The following CHD6 variants were observed in gnomAD, a reference collection of about 807,000 sequenced individuals.
CHD6 encodes the protein ATP-dependent chromatin remodeler CHD6.
In CHD6, 50 loss-of-function variants were observed where a neutral mutation model predicts 276.9. The ratio of observed to expected loss-of-function variants is 0.18; its 90% CI spans 0.14 to 0.23. CHD6 has a LOEUF of 0.23. Ranked by LOEUF, CHD6 falls within the 10% of genes least tolerant of loss-of-function variation. The probability of loss-of-function intolerance (pLI) is 1.00; values close to 1 mark genes in which losing one functional copy is unlikely to be tolerated. For missense variants in CHD6, 2,564 were observed against 3,365.8 expected (o/e 0.76, Z 5.89); for synonymous variants, 1,173 against 1,229.3 (o/e 0.95, Z 0.96).
intron 29 of CHD6, among the ~76,000 whole-genome samples, chr20:41,424,858 G>A (rs992886413): frequency 6.6e-6 from 1 of 152,168 alleles, no homozygotes; most frequent in Non-Finnish European, 1.5e-5. Flanking sequence ...AAAATAATTA[G>A]GGGGTCTGAA....
At chr20:41,573,628 A>C (rs2045441897) in intron 1 of CHD6, among the ~76,000 whole-genome samples, 1 of 152,238 alleles carries the variant, frequency 6.6e-6, no homozygotes, top group African/African-American at 2.4e-5. Flanking sequence ...CTAGTAAGGA[A>C]GGTAACACTA....
intron 5 of CHD6, among the ~76,000 whole-genome samples, chr20:41,508,710 G>A (rs1034872454): frequency 2.6e-5 from 4 of 152,052 alleles, no homozygotes; most frequent in Non-Finnish European, 2.9e-5. Context: ...CTTCTGCACC[G>A]AGTCTCACAT....
At chr20:41,553,817 TC>T (rs1353692500) in intron 1 of CHD6, among the ~76,000 whole-genome samples, 2 of 152,210 alleles carry the variant, frequency 1.3e-5, no homozygotes, top group Non-Finnish European at 1.5e-5. Context: ...TAACAATATG[TC>T]TCAAATAAAA....
At chr20:41,523,689 A>G (rs771692664) in intron 3 of CHD6, among the ~76,000 whole-genome samples, 3 of 151,548 alleles carry the variant, frequency 2.0e-5, no homozygotes, top group Non-Finnish European at 4.4e-5. Context: ...TTTCATTATC[A>G]TATGAAAGCA....
At chr20:41,568,561 T>A (rs188238295) in intron 1 of CHD6, among the ~76,000 whole-genome samples, 1 of 152,236 alleles carries the variant, frequency 6.6e-6, no homozygotes, top group African/African-American at 2.4e-5. Context: ...CAATCTATAA[T>A]TGGAAAACAG....
intron 3 of CHD6, among the ~76,000 whole-genome samples, chr20:41,528,006 C>T (rs1457352630): frequency 6.6e-6 from 1 of 152,196 alleles, no homozygotes; most frequent in African/African-American, 2.4e-5. Flanking sequence ...TACTGTTGGA[C>T]TTCCCAGTCT....
chr20:41,504,415 T>C (rs866269260), intron 5 of CHD6, among the ~76,000 whole-genome samples: 2 of 146,986 alleles, frequency 1.4e-5, no homozygotes, highest in African/African-American at 2.5e-5. Context: ...TTTTTTTTTT[T>C]TTTTTTTTTT....
intron 17 of CHD6, among the ~76,000 whole-genome samples, chr20:41,464,021 C>G (rs2042861380): frequency 6.6e-6 from 1 of 151,908 alleles, no homozygotes. Flanking sequence ...GACAGAGACA[C>G]AAAGGAGAGA....
In CHD6 at chr20:41,497,336, T is replaced by C. The variant is rs778260849; in HGVS notation, c.1092+48A>G. On this transcript the variant is annotated intron_variant, in intron 8 of 36. Coordinates refer to ENST00000373233, the MANE Select transcript of CHD6 (RefSeq NM_032221.5). ...TTAGAAACGTAAACACAGTATTTAC[T>C]GCTGCAAGAAAAGCAGCAGTCAAAT... is the stretch of plus-strand genomic sequence containing the variant. 4 of 1,169,702 alleles carry C rather than the reference T, an allele frequency of 3.4e-6. No homozygotes were observed. The Admixed American group carries it at 5.0e-5, about 15-fold the overall frequency. 72.5% of individuals were successfully genotyped at this position (1,169,702 alleles called of 1,614,324 possible).
intron 17 of CHD6, among the ~76,000 whole-genome samples, chr20:41,464,411 T>C (rs1184184469): frequency 6.6e-6 from 1 of 152,226 alleles, no homozygotes; most frequent in African/African-American, 2.4e-5. Context: ...GTAAATGTAT[T>C]TTTCACAAAA....
intron 17 of CHD6, among the ~76,000 whole-genome samples, chr20:41,472,688 C>G (rs1436956352): frequency 6.6e-6 from 1 of 152,138 alleles, no homozygotes; most frequent in Non-Finnish European, 1.5e-5. Flanking sequence ...CAAACTGGAC[C>G]CTGCCATTTT....
intron 1 of CHD6, among the ~76,000 whole-genome samples, chr20:41,559,147 G>GACACACACACACAC (rs58169591): frequency 2.0e-3 from 297 of 148,266 alleles, no homozygotes; most frequent in African/African-American, 6.5e-3. Flanking sequence ...GCCTGTTCCT[G>GACACACACACACAC]ACACACACAC....
In CHD6 at chr20:41,487,954, G is replaced by C. The variant is rs994336048; in HGVS notation, c.1858-146C>G. 1.7e-5 allele frequency: 13 copies of C among 749,334 alleles called. No homozygotes were observed. In the African/African-American group the frequency reaches 2.2e-4, roughly 13 times the overall value. The allele number at this position is 749,334 out of a possible 1,614,324, so 46.4% of individuals were successfully genotyped here. On this transcript the variant is annotated intron_variant, in intron 13 of 36. Transcript: ENST00000373233. ...TGAAAAGATAATATGCCATCATAGGGGTACAGTCAATAAACGAATCAACCT... is the reference window on the plus strand; with the variant it reads ...TGAAAAGATAATATGCCATCATAGGCGTACAGTCAATAAACGAATCAACCT...
chr20:41,603,824 G>A (rs144080220), intron 1 of CHD6, among the ~76,000 whole-genome samples: 1 of 151,742 alleles, frequency 6.6e-6, no homozygotes, highest in East Asian at 2.0e-4. Flanking sequence ...AGCCGAAATC[G>A]TGCCACTGCA....
In CHD6 at chr20:41,476,573, T is replaced by C. The variant is rs148154824; in HGVS notation, c.2469-3056A>G. Reference sequence around the variant, plus strand: ...TCACAACAGTTACAAGCATATAAAATACTTAGGATTTAATTCAGTAAGAAA... The same window carrying C: ...TCACAACAGTTACAAGCATATAAAACACTTAGGATTTAATTCAGTAAGAAA... On this transcript the variant is annotated intron_variant, in intron 16 of 36. Coordinates refer to ENST00000373233, the MANE Select transcript of CHD6 (RefSeq NM_032221.5). Among the ~76,000 whole-genome samples the C allele has an allele frequency of 6.0e-3, 911 of 152,206 alleles. 8 individuals carry two copies. Among genetic ancestry groups the C allele is most frequent in the Middle Eastern group, 0.024 (7 of 294 alleles).
intron 25 of CHD6, among the ~76,000 whole-genome samples, chr20:41,443,848 T>C (rs1163796462): frequency 6.6e-6 from 1 of 152,228 alleles, no homozygotes; most frequent in African/African-American, 2.4e-5. Flanking sequence ...AGTTCTGGCT[T>C]TAAATGACTT....
chr20:41,495,646 C>G (rs965907179), intron 8 of CHD6, among the ~76,000 whole-genome samples: 2 of 152,124 alleles, frequency 1.3e-5, no homozygotes, highest in Non-Finnish European at 2.9e-5. Context: ...GAAAAAAAAC[C>G]CCCTACTTAT....
At chr20:41,555,900 C>T (rs1390283968) in intron 1 of CHD6, among the ~76,000 whole-genome samples, 2 of 152,166 alleles carry the variant, frequency 1.3e-5, no homozygotes, top group South Asian at 2.1e-4. Context: ...CCAAGGCAGG[C>T]GGCTGGGTGG....
intron 1 of CHD6, among the ~76,000 whole-genome samples, chr20:41,556,120 C>T (rs376620503): frequency 1.2e-4 from 18 of 152,222 alleles, no homozygotes; most frequent in East Asian, 3.9e-4. Flanking sequence ...GGCGTGGCGG[C>T]GCGCACCTGC....
Sources: gnomAD v4.1 joint callset for allele counts (sites outside exome capture counted in the v4.1 genomes callset) on GRCh38, gnomAD v4.1.1 for gene constraint, MANE v1.5 for transcripts, NCBI Gene and HGNC (gene_info 2026-07-23, HGNC 2026-07-21) for gene names.